Variants in KLHL24 observed in about 807,000 individuals in gnomAD.
KLHL24 encodes the protein kelch like family member 24.
Under a neutral mutation model 53.4 loss-of-function variants are expected in KLHL24, and 29 were observed. The observed-to-expected ratio is 0.54, with a 90% CI of 0.40 to 0.74. KLHL24 has a LOEUF of 0.74. Among genes scored for constraint, KLHL24 ranks in the 30% least tolerant of loss-of-function variants. The pLI is 0.00. For synonymous variants in KLHL24, 222 were observed against 253.7 expected (o/e 0.88, Z 1.19); for missense variants, 504 against 744.0 (o/e 0.68, Z 3.75).
At chr3:183,649,003 CAAAAA>C (rs3834187) in intron 2 of KLHL24, among the ~76,000 whole-genome samples, 1 of 145,694 alleles carries the variant, frequency 6.9e-6, no homozygotes, top group Non-Finnish European at 1.5e-5. Flanking sequence ...ACCTTGTTTC[CAAAAA>C]AAAAAAGAGA....
Position 183,684,350 on chromosome 3 carries a change from T to A in KLHL24, c.*5064T>A, listed in dbSNP as rs1416687391. On this transcript the variant is annotated 3_prime_UTR_variant, in exon 8 of 8. Transcript: ENST00000242810. ...AGAGTCTTCATAGTGGAAAGAATGCTTTGTATTTAATTGTTCTTAGTTAAG... is the reference window on the plus strand; with the variant it reads ...AGAGTCTTCATAGTGGAAAGAATGCATTGTATTTAATTGTTCTTAGTTAAG... 6.6e-6 allele frequency: 1 copy of A among 152,664 alleles called. No individual in the cohort carries two copies. Among genetic ancestry groups the A allele is most frequent in the Non-Finnish European group, 1.5e-5 (1 of 68,034 alleles). 9.5% of individuals were successfully genotyped at this position (152,664 alleles called of 1,614,324 possible). A position where few individuals can be genotyped will look rare whatever the true frequency, so the allele number is the denominator to read the frequency against.
Position 183,665,034 on chromosome 3 carries a change from G to A in KLHL24, c.1219G>A (p.Gly407Ser). The A allele has an allele frequency of 6.4e-7, 1 of 1,573,640 alleles. No homozygotes were observed. Among genetic ancestry groups the A allele is most frequent in the Non-Finnish European group, 8.7e-7 (1 of 1,145,534 alleles). ...RWRHKMAVLL[G>S]KVYVVGGYDG... ...GCGTCACAAAATGGCTGTCCTCCTT[G>A]GTAAAGTAAGAGAAACCACTTTTTA... The change falls in exon 5 of 8, where the codon GGT (glycine) becomes AGT (serine). Residue 407 changes from glycine (G) to serine (S), a missense_variant. By Grantham distance (56) the Gly-to-Ser change is moderately conservative (BLOSUM62 0). Coordinates refer to ENST00000242810, the MANE Select transcript of KLHL24 (RefSeq NM_017644.3).
chr3:183,641,646 A>T (rs1716463332), intron 1 of KLHL24, among the ~76,000 whole-genome samples: 1 of 152,108 alleles, frequency 6.6e-6, no homozygotes, highest in Non-Finnish European at 1.5e-5. Flanking sequence ...AGAACATAGT[A>T]TGCAGCAGTT....
chr3:183,674,065 A>G (rs776079681), intron 7 of KLHL24, among the ~76,000 whole-genome samples: 2 of 152,022 alleles, frequency 1.3e-5, no homozygotes, highest in Non-Finnish European at 2.9e-5. Context: ...AATTTATTAG[A>G]TTATCTTTTT....
At chr3:183,667,942 G>A (rs1720807569) in intron 5 of KLHL24, among the ~76,000 whole-genome samples, 2 of 150,964 alleles carry the variant, frequency 1.3e-5, no homozygotes, top group Admixed American at 6.7e-5. Flanking sequence ...CAAACTCCTG[G>A]GTTCAAGCCA....
At chr3:183,669,146 C>T (rs1424856751) in intron 5 of KLHL24, among the ~76,000 whole-genome samples, 1 of 152,010 alleles carries the variant, frequency 6.6e-6, no homozygotes, top group Non-Finnish European at 1.5e-5. Flanking sequence ...GTTTAATCCT[C>T]AAAATTATGC....
At chr3:183,675,105 C>T (rs538269556) in intron 7 of KLHL24, among the ~76,000 whole-genome samples, 3 of 152,080 alleles carry the variant, frequency 2.0e-5, no homozygotes, top group Non-Finnish European at 4.4e-5. Flanking sequence ...TTTCTTCTAA[C>T]TCATCTTGTA....
intron 7 of KLHL24, among the ~76,000 whole-genome samples, chr3:183,677,418 A>G (rs538685318): frequency 6.6e-6 from 1 of 152,312 alleles, no homozygotes; most frequent in African/African-American, 2.4e-5. Context: ...TCTGAATTAA[A>G]GTGTCTTTCA....
At chr3:183,654,132 G>A (rs969333967) in intron 3 of KLHL24, among the ~76,000 whole-genome samples, 3 of 151,978 alleles carry the variant, frequency 2.0e-5, no homozygotes, top group East Asian at 1.9e-4. Context: ...GCCTCTCTTC[G>A]GTCTTTATCC....
intron 1 of KLHL24, among the ~76,000 whole-genome samples, chr3:183,636,955 G>C (rs1411917619): frequency 1.3e-5 from 2 of 152,216 alleles, no homozygotes; most frequent in Non-Finnish European, 2.9e-5. Flanking sequence ...GCCCTCCGAG[G>C]ACCGGAAAAT....
At position 183,650,319 on chromosome 3, in the gene KLHL24, G is replaced by C; in HGVS notation, c.-38G>C. The C allele has an allele frequency of 6.6e-7, 1 of 1,516,430 alleles. No individual in the cohort carries two copies. Among genetic ancestry groups the C allele is most frequent in the Middle Eastern group, 1.7e-4 (1 of 5,730 alleles). 93.9% of individuals were successfully genotyped at this position (1,516,430 alleles called of 1,614,324 possible). ...AGCCACATAAAGAAGATCCCTAATAGTCATTTCTCAACAATTATATAGTCA... is the reference window on the plus strand; with the variant it reads ...AGCCACATAAAGAAGATCCCTAATACTCATTTCTCAACAATTATATAGTCA... On this transcript the variant is annotated 5_prime_UTR_variant, in exon 3 of 8. Transcript: ENST00000242810. The surrounding 1 kb of genome is among the most constrained non-coding windows in gnomAD (Gnocchi z 4.5).
At chr3:183,644,670 G>A (rs564402108) in intron 2 of KLHL24, among the ~76,000 whole-genome samples, 1 of 152,068 alleles carries the variant, frequency 6.6e-6, no homozygotes, top group African/African-American at 2.4e-5. Flanking sequence ...TGAAAATAAG[G>A]GGCAGATAAT....
chr3:183,671,071 T>C lies in KLHL24; in HGVS notation c.1262T>C (p.Leu421Pro), dbSNP rs745371850. The stretch of plus-strand genomic sequence containing the variant: ...GGTGGCTATGATGGGCAAAACAGAC[T>C]TAGCAGCGTAGAATGTTATGATTCC... ...VVGGYDGQNR[L>P]SSVECYDSFS... Residue 421 changes from leucine to proline, a missense_variant, in exon 6 of 8, where the codon CTT (leucine) becomes CCT (proline). By Grantham distance (98) the Leu-to-Pro change is moderately conservative. Coordinates refer to ENST00000242810, the MANE Select transcript of KLHL24 (RefSeq NM_017644.3). 6.2e-7 allele frequency: 1 copy of C among 1,614,072 alleles called. No homozygotes were observed. The highest frequency in any genetic ancestry group is 1.1e-5 in the South Asian group (1 of 91,074).
At position 183,651,116 on chromosome 3, in the gene KLHL24, C is replaced by T. The variant is rs770888082; in HGVS notation, c.760C>T (p.His254Tyr). Residue 254 changes from histidine to tyrosine, a missense_variant, in exon 3 of 8, where the codon CAT (histidine) becomes TAT (tyrosine). Transcript: ENST00000242810. ...ACCACTGTTACACGAGCTCCTGACA[C>T]ATGTGAGACTCCCTCTGTTGCATCC... ...RRPLLHELLT[H>Y]VRLPLLHPNY... 3.1e-6 allele frequency: 5 copies of T among 1,614,190 alleles called. No individual in the cohort carries two copies. The highest frequency in any genetic ancestry group is 4.2e-6 in the Non-Finnish European group (5 of 1,180,030).
intron 7 of KLHL24, among the ~76,000 whole-genome samples, chr3:183,674,267 CTT>C (rs1553847628): frequency 1.3e-5 from 2 of 149,694 alleles, no homozygotes; most frequent in Non-Finnish European, 3.0e-5. Context: ...TTCTTTCTTT[CTT>C]TCTTTCTTTC....
At position 183,679,483 on chromosome 3, in the gene KLHL24, T is replaced by C; in HGVS notation, c.*197T>C. 3 of 548,312 alleles carry C rather than the reference T, an allele frequency of 5.5e-6. No homozygotes were observed. In the South Asian group the frequency reaches 7.0e-5, roughly 13 times the overall value. The allele number at this position is 548,312 out of a possible 1,614,324, so 34.0% of individuals were successfully genotyped here. A position where few individuals can be genotyped will look rare whatever the true frequency, so the allele number is the denominator to read the frequency against. On this transcript the variant is annotated 3_prime_UTR_variant, in exon 8 of 8. Transcript: ENST00000242810. ...TCCTATAATTGAAAAAAAAAACTTT[T>C]TTGTTAAAGGTAATGGTGGTTGTTA...
intron 2 of KLHL24, among the ~76,000 whole-genome samples, chr3:183,649,866 A>C (rs1326439515): frequency 6.6e-6 from 1 of 152,202 alleles, no homozygotes; most frequent in Non-Finnish European, 1.5e-5. Context: ...ACTTTACTCC[A>C]AACTTGGTGA....
chr3:183,639,739 C>T (rs1012330150), intron 1 of KLHL24, among the ~76,000 whole-genome samples: 3 of 151,800 alleles, frequency 2.0e-5, no homozygotes, highest in Non-Finnish European at 4.4e-5. Flanking sequence ...GGCGTGGTGA[C>T]TCACGCTTGT....
chr3:183,663,593 C>A lies in KLHL24; in HGVS notation c.1056C>A (p.Thr352=). The part of the protein sequence containing the change: ...WKSLAKLPEF[T]KSEYAVCALR... ...CTTTGGCTAAGCTTCCAGAATTTAC[C>A]AAATCAGAGTATGCAGTCTGTGCTC... Residue 352 remains threonine (T), a synonymous_variant, in exon 4 of 8, where the codon ACC becomes ACA. Coordinates refer to ENST00000242810, the MANE Select transcript of KLHL24 (RefSeq NM_017644.3). This position sits in a 1 kb window ranked among gnomAD's most constrained non-coding sequence, Gnocchi z 4.9. 2 of 1,604,976 alleles carry A rather than the reference C, an allele frequency of 1.2e-6. No individual in the cohort carries two copies. The highest frequency in any genetic ancestry group is 1.7e-6 in the Non-Finnish European group (2 of 1,174,898).
Sources: allele counts gnomAD v4.1 joint callset (sites outside exome capture counted in the v4.1 genomes callset), GRCh38; gene constraint gnomAD v4.1.1; non-coding constraint Gnocchi (gnomAD v3.1); transcripts MANE v1.5; gene names NCBI Gene and HGNC (gene_info 2026-07-23, HGNC 2026-07-21).